CCBE1: variants seen among roughly 807,000 people sequenced by gnomAD.
The protein encoded by CCBE1 is collagen and calcium-binding EGF domain-containing protein 1.
Under a neutral mutation model 50.0 loss-of-function variants are expected in CCBE1, and 37 were observed. That is an observed-to-expected ratio of 0.74 (90% confidence interval 0.57 to 0.97). CCBE1 has a LOEUF of 0.97. Among genes scored for constraint, CCBE1 ranks in the 50% least tolerant of loss-of-function variants. The pLI is 0.00. For missense variants in CCBE1, 538 were observed against 523.8 expected (o/e 1.03, Z -0.26); for synonymous variants, 234 against 203.7 (o/e 1.15, Z -1.27).
At chr18:59,618,309 G>C (rs2053664235) in intron 2 of CCBE1, among the ~76,000 whole-genome samples, 1 of 151,858 alleles carries the variant, frequency 6.6e-6, no homozygotes, top group Non-Finnish European at 1.5e-5. Flanking sequence ...AATAAATTAA[G>C]ATGTTTTCCA....
chr18:59,658,900 A>AC (rs919142493), intron 2 of CCBE1, among the ~76,000 whole-genome samples: 5 of 148,430 alleles, frequency 3.4e-5, no homozygotes, highest in African/African-American at 1.0e-4. Context: ...AAAAAAAAAA[A>AC]AAAAAACTGT....
At chr18:59,594,701 C>T (rs1194258457) in intron 2 of CCBE1, among the ~76,000 whole-genome samples, 1 of 152,118 alleles carries the variant, frequency 6.6e-6, no homozygotes, top group African/African-American at 2.4e-5. Context: ...CTCATTTCCT[C>T]GGTGCTACTC....
At chr18:59,600,045 G>C (rs2053409402) in intron 2 of CCBE1, among the ~76,000 whole-genome samples, 1 of 152,226 alleles carries the variant, frequency 6.6e-6, no homozygotes, top group South Asian at 2.1e-4. Context: ...CCCTAGTCTT[G>C]CAACTATTGC....
intron 2 of CCBE1, among the ~76,000 whole-genome samples, chr18:59,690,916 A>C (rs1415952640): frequency 6.6e-6 from 1 of 152,230 alleles, no homozygotes; most frequent in Non-Finnish European, 1.5e-5. Context: ...TAAGATGGCA[A>C]GTTCAAGGAG....
intron 2 of CCBE1, among the ~76,000 whole-genome samples, chr18:59,509,300 T>C (rs560440505): frequency 6.6e-6 from 1 of 151,514 alleles, no homozygotes; most frequent in Admixed American, 6.6e-5. Context: ...AATGCAGATA[T>C]GAATAAAAAT....
intron 7 of CCBE1, among the ~76,000 whole-genome samples, chr18:59,446,533 A>T (rs1451808531): frequency 6.6e-6 from 1 of 152,234 alleles, no homozygotes; most frequent in South Asian, 2.1e-4. Context: ...GAATCGTCTT[A>T]TTCTCTGGAT....
At chr18:59,646,726 T>G (rs960081871) in intron 2 of CCBE1, among the ~76,000 whole-genome samples, 1 of 152,190 alleles carries the variant, frequency 6.6e-6, no homozygotes, top group Non-Finnish European at 1.5e-5. Flanking sequence ...AGGTCTCATG[T>G]AGCAATGATT....
chr18:59,654,122 A>G (rs916293372), intron 2 of CCBE1, among the ~76,000 whole-genome samples: 1 of 152,238 alleles, frequency 6.6e-6, no homozygotes, highest in African/African-American at 2.4e-5. Flanking sequence ...ATGGCCAAGT[A>G]CTGATGGGAT....
intron 2 of CCBE1, among the ~76,000 whole-genome samples, chr18:59,564,967 T>G (rs1438877652): frequency 6.6e-6 from 1 of 152,254 alleles, no homozygotes; most frequent in African/African-American, 2.4e-5. Flanking sequence ...ATAAACATGA[T>G]GGCTTGGAAA....
chr18:59,561,088 A>G (rs1416291697), intron 2 of CCBE1, among the ~76,000 whole-genome samples: 1 of 152,174 alleles, frequency 6.6e-6, no homozygotes, highest in Non-Finnish European at 1.5e-5. Flanking sequence ...ATGGTTTAAA[A>G]CCAAGTGGAA....
chr18:59,571,146 G>A (rs1403850153), intron 2 of CCBE1, among the ~76,000 whole-genome samples: 3 of 152,140 alleles, frequency 2.0e-5, no homozygotes, highest in African/African-American at 7.2e-5. Flanking sequence ...CCTTTTAGAA[G>A]TCATCTTGCT....
intron 2 of CCBE1, among the ~76,000 whole-genome samples, chr18:59,596,956 G>A (rs1296485569): frequency 1.3e-5 from 2 of 152,230 alleles, no homozygotes; most frequent in African/African-American, 4.8e-5. Context: ...GCAAAGTAAT[G>A]AAGAAAGAAA....
chr18:59,439,654 T>A, intron 8 of CCBE1, 23 bp downstream of exon 8: 6 of 1,614,118 alleles, frequency 3.7e-6, no homozygotes, highest in Non-Finnish European at 5.1e-6. Flanking sequence ...AAAAAGGAAG[T>A]GGATCTCTGA....
intron 2 of CCBE1, among the ~76,000 whole-genome samples, chr18:59,580,111 GC>G (rs1348345108): frequency 6.6e-6 from 1 of 152,134 alleles, no homozygotes; most frequent in African/African-American, 2.4e-5. Flanking sequence ...AAATACTGGG[GC>G]CCCGAATTAC....
intron 2 of CCBE1, among the ~76,000 whole-genome samples, chr18:59,545,328 A>ATATTCCAAAAGT (rs879819822): frequency 0.023 from 3,495 of 152,270 alleles, 94 homozygotes; most frequent in East Asian, 0.12. Context: ...GTACGTAAAA[A>ATATTCCAAAAGT]ACTCAGTATG....
intron 6 of CCBE1, among the ~76,000 whole-genome samples, chr18:59,452,286 AGAC>A (rs1910974765): frequency 1.3e-5 from 2 of 152,294 alleles, no homozygotes; most frequent in South Asian, 2.1e-4. Context: ...AGCAGCAGCA[AGAC>A]GACATTAAAA....
At chr18:59,479,626 C>G (rs1912471426) in intron 3 of CCBE1, among the ~76,000 whole-genome samples, 1 of 152,338 alleles carries the variant, frequency 6.6e-6, no homozygotes, top group Non-Finnish European at 1.5e-5. Context: ...AAGGTCAAAG[C>G]TATTAGTAGG....
chr18:59,631,115 C>A (rs923850518), intron 2 of CCBE1, among the ~76,000 whole-genome samples: 4 of 151,914 alleles, frequency 2.6e-5, no homozygotes, highest in African/African-American at 9.7e-5. Flanking sequence ...TGTGGCCAAG[C>A]AGAATACAAC....
At chr18:59,457,926 C>T (rs150721083) in intron 5 of CCBE1, among the ~76,000 whole-genome samples, 7 of 152,300 alleles carry the variant, frequency 4.6e-5, no homozygotes, top group African/African-American at 1.2e-4. Flanking sequence ...AAAGGGCTGA[C>T]GCCTTAACTT....
Sources: allele counts gnomAD v4.1 joint callset (sites outside exome capture counted in the v4.1 genomes callset), GRCh38; gene constraint gnomAD v4.1.1; transcripts MANE v1.5; gene names NCBI Gene and HGNC (gene_info 2026-07-23, HGNC 2026-07-21).